CREB5: variants seen among roughly 807,000 people sequenced by gnomAD.
CREB5 encodes the protein cAMP responsive element binding protein 5.
In CREB5, 19 loss-of-function variants were observed where a neutral mutation model predicts 57.1. The ratio of observed to expected loss-of-function variants is 0.33; its 90% CI spans 0.23 to 0.49. The LOEUF is 0.49. Among genes scored for constraint, CREB5 ranks in the 20% least tolerant of loss-of-function variants. The probability of loss-of-function intolerance (pLI) is 0.99; values close to 1 mark genes in which losing one functional copy is unlikely to be tolerated. For synonymous variants in CREB5, 238 were observed against 238.3 expected (o/e 1.00, Z 0.01); for missense variants, 579 against 671.6 (o/e 0.86, Z 1.52).
At chr7:28,649,424 T>C (rs1382983113) in intron 5 of CREB5, among the ~76,000 whole-genome samples, 2 of 152,242 alleles carry the variant, frequency 1.3e-5, no homozygotes, top group East Asian at 1.9e-4. Flanking sequence ...CATCCATTCA[T>C]TGATGTATTG....
At chr7:28,324,024 C>T (rs984811418) in intron 1 of CREB5, among the ~76,000 whole-genome samples, 2 of 152,084 alleles carry the variant, frequency 1.3e-5, no homozygotes, top group African/African-American at 4.8e-5. Flanking sequence ...GGTGGTGGAG[C>T]TCAGGAGGTA....
At chr7:28,525,176 G>C (rs563167829) in intron 4 of CREB5, among the ~76,000 whole-genome samples, 1 of 152,108 alleles carries the variant, frequency 6.6e-6, no homozygotes, top group Non-Finnish European at 1.5e-5. Flanking sequence ...TTAGGGCCCA[G>C]TAGTATTCCA....
intron 7 of CREB5, among the ~76,000 whole-genome samples, chr7:28,803,737 CAG>C (rs1808512149): frequency 8.5e-6 from 1 of 117,982 alleles, no homozygotes; most frequent in South Asian, 2.6e-4. Flanking sequence ...GCCTGAGTGA[CAG>C]AGCAAGACTC....
At chr7:28,616,251 T>C (rs1046806762) in intron 5 of CREB5, among the ~76,000 whole-genome samples, 5 of 152,196 alleles carry the variant, frequency 3.3e-5, no homozygotes, top group African/African-American at 4.8e-5. Flanking sequence ...GTTTTTCTCT[T>C]TGGGCCATTG....
chr7:28,771,444 G>A (rs909151450), intron 7 of CREB5, among the ~76,000 whole-genome samples: 6 of 152,144 alleles, frequency 3.9e-5, no homozygotes, highest in African/African-American at 9.7e-5. Flanking sequence ...CGGGATTCAC[G>A]AGAAGTCTGG....
At chr7:28,485,263 T>C (rs1791502310) in intron 1 of CREB5, among the ~76,000 whole-genome samples, 1 of 152,150 alleles carries the variant, frequency 6.6e-6, no homozygotes, top group African/African-American at 2.4e-5. Flanking sequence ...ATGAATCTAA[T>C]TGTTATCATT....
chr7:28,394,032 C>T (rs1283987140), intron 1 of CREB5, among the ~76,000 whole-genome samples: 2 of 127,808 alleles, frequency 1.6e-5, no homozygotes, highest in Admixed American at 9.5e-5. Context: ...CATCATGCCA[C>T]TGCACTCTAG....
rs554203001 is a variant in CREB5, at chr7:28,416,535, C to T, written c.3+3618C>T. Among the ~76,000 whole-genome samples, 92 of 152,238 alleles carry T rather than the reference C, an allele frequency of 6.0e-4. 1 individual carries two copies. Among genetic ancestry groups the T allele is most frequent in the African/African-American group, 1.6e-3 (65 of 41,544 alleles). On this transcript the variant is annotated intron_variant, in intron 1 of 10. Coordinates refer to ENST00000357727, the MANE Select transcript of CREB5 (RefSeq NM_182898.4). ...CAGTAGAAGGCATTGGGATAAAGTC[C>T]GTTTCCACCAGGGTATCTAGCTATG...
intron 1 of CREB5, among the ~76,000 whole-genome samples, chr7:28,343,033 C>T (rs544012734): frequency 3.9e-5 from 6 of 152,122 alleles, no homozygotes; most frequent in African/African-American, 9.6e-5. Context: ...CTCCGCCTCC[C>T]GGGTTCACAC....
intron 5 of CREB5, among the ~76,000 whole-genome samples, chr7:28,659,836 A>G (rs1051229959): frequency 2.0e-5 from 3 of 152,164 alleles, no homozygotes; most frequent in Non-Finnish European, 4.4e-5. Context: ...AAAATAAGAA[A>G]TATATATATT....
chr7:28,408,247 C>T (rs1046209801), upstream of CREB5, among the ~76,000 whole-genome samples: 4 of 152,182 alleles, frequency 2.6e-5, no homozygotes, highest in African/African-American at 9.7e-5. Flanking sequence ...CTTCTGGTAC[C>T]CGGGTTGGTG....
rs550919056 is a variant in CREB5, at chr7:28,440,836, G to A, written c.3+27919G>A. Among the ~76,000 whole-genome samples the A allele has an allele frequency of 4.0e-5, 6 of 151,796 alleles. No individual in the cohort carries two copies. The East Asian group carries it at 1.2e-3, about 29-fold the overall frequency. On this transcript the variant is annotated intron_variant, in intron 1 of 10. Transcript: ENST00000357727. The stretch of plus-strand genomic sequence containing the variant: ...AGTGGATTTCTTTTCTTTTCTTTTT[G>A]GCAAGAAAGGAAATATTTGGCAGAC...
intron 5 of CREB5, among the ~76,000 whole-genome samples, chr7:28,717,806 G>T (rs942919254): frequency 6.6e-6 from 1 of 152,132 alleles, no homozygotes; most frequent in African/African-American, 2.4e-5. Context: ...TGTTTTGTTT[G>T]TTTGTTGTTA....
chr7:28,375,753 A>G (rs1786810515), intron 1 of CREB5, among the ~76,000 whole-genome samples: 1 of 152,080 alleles, frequency 6.6e-6, no homozygotes, highest in Non-Finnish European at 1.5e-5. Flanking sequence ...AAAAAAAAAA[A>G]AAGCAAATAT....
At chr7:28,602,573 C>T (rs1260838411) in intron 5 of CREB5, among the ~76,000 whole-genome samples, 1 of 152,038 alleles carries the variant, frequency 6.6e-6, no homozygotes, top group East Asian at 1.9e-4. Flanking sequence ...TTGTATGGAC[C>T]TCAGAGGAAT....
At chr7:28,706,740 A>G (rs1802125053) in intron 5 of CREB5, among the ~76,000 whole-genome samples, 1 of 152,202 alleles carries the variant, frequency 6.6e-6, no homozygotes, top group African/African-American at 2.4e-5. Flanking sequence ...AGCTCAGGGA[A>G]GGTTGCACAA....
chr7:28,624,240 A>G (rs909070486), intron 5 of CREB5, among the ~76,000 whole-genome samples: 9 of 152,214 alleles, frequency 5.9e-5, no homozygotes, highest in Non-Finnish European at 8.8e-5. Flanking sequence ...CCAAAGAAGA[A>G]TCAAGCGTTT....
At chr7:28,584,042 T>C (rs530676950) in intron 5 of CREB5, among the ~76,000 whole-genome samples, 1 of 152,270 alleles carries the variant, frequency 6.6e-6, no homozygotes, top group African/African-American at 2.4e-5. Context: ...AGGATTTCAC[T>C]GTTATCTTTT....
chr7:28,395,253 A>G (rs1291207249), intron 1 of CREB5, among the ~76,000 whole-genome samples: 1 of 152,216 alleles, frequency 6.6e-6, no homozygotes, highest in Non-Finnish European at 1.5e-5. Context: ...AAGGGCAACA[A>G]ACCCATTCCA....
Sources: allele counts gnomAD v4.1 joint callset (sites outside exome capture counted in the v4.1 genomes callset), GRCh38; gene constraint gnomAD v4.1.1; transcripts MANE v1.5; gene names NCBI Gene and HGNC (gene_info 2026-07-23, HGNC 2026-07-21).